BEGAIN: variants seen among roughly 807,000 people sequenced by gnomAD.
BEGAIN encodes brain-enriched guanylate kinase-associated protein.
Under a neutral mutation model 35.8 loss-of-function variants are expected in BEGAIN, and 19 were observed. The observed-to-expected ratio is 0.53, with a 90% confidence interval of 0.37 to 0.78. The LOEUF is 0.78. BEGAIN is among the 30% of genes least tolerant of loss of function. The probability of loss-of-function intolerance (pLI) is 0.00; values close to 1 mark genes in which losing one functional copy is unlikely to be tolerated. For missense variants in BEGAIN, 795 were observed against 853.6 expected (o/e 0.93, Z 0.85); for synonymous variants, 462 against 388.6 (o/e 1.19, Z -2.22).
In BEGAIN at chr14:100,537,960, C is replaced by T; in HGVS notation, c.*9G>A. The T allele has an allele frequency of 1.9e-6, 3 of 1,601,002 alleles. No individual in the cohort carries two copies. Among genetic ancestry groups the T allele is most frequent in the South Asian group, 1.1e-5 (1 of 89,648 alleles). ...GGAGCGAACCACGGCCAGGCCTGCA[C>T]GCAGGCGCTCAGTTGAGCAAGGTTC... On this transcript the variant is annotated 3_prime_UTR_variant, in exon 7 of 7. Transcript: ENST00000554140.
chr14:100,541,963 C>T (rs1009362008), intron 5 of BEGAIN, among the ~76,000 whole-genome samples: 4 of 152,212 alleles, frequency 2.6e-5, no homozygotes, highest in Non-Finnish European at 4.4e-5. Flanking sequence ...GTTCTGGCTC[C>T]GTCTGCGAGA....
intron 1 of BEGAIN, among the ~76,000 whole-genome samples, chr14:100,585,815 A>T (rs2035432094): frequency 2.0e-5 from 3 of 152,112 alleles, no homozygotes; most frequent in Non-Finnish European, 2.9e-5. Flanking sequence ...TTGACGACAA[A>T]CGGAACGCGG....
In BEGAIN at chr14:100,558,982, T is replaced by C. The variant is rs1359015189; in HGVS notation, c.71+8929A>G. Among the ~76,000 whole-genome samples the C allele has an allele frequency of 6.8e-6, 1 of 148,082 alleles. No individual in the cohort carries two copies. Among genetic ancestry groups the C allele is most frequent in the Non-Finnish European group, 1.5e-5 (1 of 66,908 alleles). On this transcript the variant is annotated intron_variant, in intron 2 of 6. Coordinates refer to ENST00000554140, the MANE Select transcript of BEGAIN (RefSeq NM_001385089.1). The surrounding 1 kb of genome is among the most constrained non-coding windows in gnomAD (Gnocchi z 4.6). ...GTGGCCGGAGCCTGGGGCCTGGGGG[T>C]TGTTGGGGGGAGCAGACAAGGGGTG... is the stretch of plus-strand genomic sequence containing the variant.
intron 1 of BEGAIN, among the ~76,000 whole-genome samples, chr14:100,581,391 C>T (rs533624108): frequency 1.3e-5 from 2 of 152,222 alleles, no homozygotes; most frequent in East Asian, 1.9e-4. Flanking sequence ...AGGATGCTGC[C>T]GGCTACCGTG....
chr14:100,556,735 G>T (rs1253788460), intron 2 of BEGAIN, among the ~76,000 whole-genome samples: 1 of 152,190 alleles, frequency 6.6e-6, no homozygotes, highest in Non-Finnish European at 1.5e-5. Flanking sequence ...CCCGAGGAGA[G>T]CCCAGCCAGC....
chr14:100,578,001 A>C (rs2035239538), intron 1 of BEGAIN: 1 of 397,628 alleles, frequency 2.5e-6, no homozygotes. Flanking sequence ...GCCGTCACCC[A>C]CTCCTCTCCT....
chr14:100,539,151 G>A lies in BEGAIN; in HGVS notation c.657C>T (p.Ser219=), dbSNP rs762942100. The change falls in exon 7 of 7, where the codon TCC becomes TCT. Residue 219 remains serine (S), a synonymous_variant. Transcript: ENST00000554140. ...AGGCCAGGTCGCGGGCGGAGGCATCGGACAGGCGGGAGGACAGGCTGGCGG... is the reference window on the plus strand; with the variant it reads ...AGGCCAGGTCGCGGGCGGAGGCATCAGACAGGCGGGAGGACAGGCTGGCGG... ...PDPASLSSRL[S]DASARDLAFC... 19 of 1,598,914 alleles carry A rather than the reference G, an allele frequency of 1.2e-5. No individual in the cohort carries two copies. The highest frequency in any genetic ancestry group is 2.7e-5 in the African/African-American group (2 of 74,638).
In BEGAIN at chr14:100,586,616, G is replaced by C. The variant is rs1174545510; in HGVS notation, c.42+633C>G. ...GGGGCTCAGGGAGGGTGAGCGCGCCGGCTGAGCCGCTCTGGGCGAGGCCCT... is the reference window on the plus strand; with the variant it reads ...GGGGCTCAGGGAGGGTGAGCGCGCCCGCTGAGCCGCTCTGGGCGAGGCCCT... On this transcript the variant is annotated intron_variant, in intron 1 of 6. Transcript: ENST00000554140. The surrounding 1 kb of genome is among the most constrained non-coding windows in gnomAD (Gnocchi z 4.9). Among the ~76,000 whole-genome samples, 1 of 152,182 alleles carries C rather than the reference G, an allele frequency of 6.6e-6. No homozygotes were observed. Among genetic ancestry groups the C allele is most frequent in the Admixed American group, 6.5e-5 (1 of 15,282 alleles).
chr14:100,580,898 A>C (rs1434595121), intron 1 of BEGAIN, among the ~76,000 whole-genome samples: 1 of 152,168 alleles, frequency 6.6e-6, no homozygotes, highest in Non-Finnish European at 1.5e-5. Flanking sequence ...TGGAAACAGG[A>C]TGAGAATATA....
chr14:100,580,698 ATTAT>A (rs1316709165), intron 1 of BEGAIN, among the ~76,000 whole-genome samples: 1 of 152,210 alleles, frequency 6.6e-6, no homozygotes, highest in Non-Finnish European at 1.5e-5. Flanking sequence ...AATGTTTGCA[ATTAT>A]TTATTATCTG....
rs150632158 is a variant in BEGAIN, at chr14:100,575,188, C to T, written c.43-7249G>A. On this transcript the variant is annotated intron_variant, in intron 1 of 6. Coordinates refer to ENST00000554140, the MANE Select transcript of BEGAIN (RefSeq NM_001385089.1). Reference sequence around the variant, plus strand: ...GCCCCAGGCATTGTCTCTCAAGAAACGGTCTGCAGGTTGGTGACTGGAAGC... The same window carrying T: ...GCCCCAGGCATTGTCTCTCAAGAAATGGTCTGCAGGTTGGTGACTGGAAGC... Among the ~76,000 whole-genome samples, 367 of 152,278 alleles carry T rather than the reference C, an allele frequency of 2.4e-3. 1 individual carries two copies. Among genetic ancestry groups the T allele is most frequent in the Middle Eastern group, 6.8e-3 (2 of 294 alleles).
intron 2 of BEGAIN, among the ~76,000 whole-genome samples, chr14:100,565,103 T>C (rs2034579994): frequency 6.6e-6 from 1 of 152,204 alleles, no homozygotes; most frequent in African/African-American, 2.4e-5. Flanking sequence ...GGAGGATCTG[T>C]TGTGGGCCTC....
Position 100,567,818 on chromosome 14 carries a change from C to A in BEGAIN, c.71+93G>T. On this transcript the variant is annotated intron_variant, in intron 2 of 6. Transcript: ENST00000554140. This position sits in a 1 kb window ranked among gnomAD's most constrained non-coding sequence, Gnocchi z 5.1. ...GGCCGCCCGCGGGCCCTGGGGGATGCGCTCGGGTGGAGCCCCCTTCCCCCG... is the reference window on the plus strand; with the variant it reads ...GGCCGCCCGCGGGCCCTGGGGGATGAGCTCGGGTGGAGCCCCCTTCCCCCG... The A allele has an allele frequency of 7.6e-7, 1 of 1,308,900 alleles. No homozygotes were observed. The highest frequency in any genetic ancestry group is 1.0e-6 in the Non-Finnish European group (1 of 990,086). The allele number at this position is 1,308,900 out of a possible 1,614,324, so 81.1% of individuals were successfully genotyped here. A position where few individuals can be genotyped will look rare whatever the true frequency, so the allele number is the denominator to read the frequency against.
In BEGAIN at chr14:100,567,958, G is replaced by C. The variant is rs1198483533; in HGVS notation, c.43-19C>G. 2.8e-6 allele frequency: 4 copies of C among 1,451,252 alleles called. No individual in the cohort carries two copies. In the South Asian group the frequency reaches 5.1e-5, roughly 18 times the overall value. 89.9% of individuals were successfully genotyped at this position (1,451,252 alleles called of 1,614,324 possible). ...CAGAGGCCTGCGAGAAACCAAACGAGAGGGTCAGCAGGCAGGAGGCGTGCG... is the reference window on the plus strand; with the variant it reads ...CAGAGGCCTGCGAGAAACCAAACGACAGGGTCAGCAGGCAGGAGGCGTGCG... On this transcript the variant is annotated intron_variant, in intron 1 of 6. Coordinates refer to ENST00000554140, the MANE Select transcript of BEGAIN (RefSeq NM_001385089.1). This position sits in a 1 kb window ranked among gnomAD's most constrained non-coding sequence, Gnocchi z 5.1.
At chr14:100,559,046 TGAAGTATCTGATCCTCTTC>T (rs1198451233) in intron 2 of BEGAIN, among the ~76,000 whole-genome samples, 2 of 152,162 alleles carry the variant, frequency 1.3e-5, no homozygotes, top group African/African-American at 2.4e-5. Flanking sequence ...GAGCATGTGC[TGAAGTATCTGATCCTCTTC>T]CTGGGGGCCC....
chr14:100,584,403 C>CCA (rs1363040312), intron 1 of BEGAIN, among the ~76,000 whole-genome samples: 1 of 152,148 alleles, frequency 6.6e-6, no homozygotes, highest in Non-Finnish European at 1.5e-5. Context: ...GAGAAGAGCC[C>CCA]CAGCAGCTCC....
chr14:100,560,031 C>T (rs184377112), intron 2 of BEGAIN, among the ~76,000 whole-genome samples: 104 of 152,312 alleles, frequency 6.8e-4, no homozygotes, highest in African/African-American at 2.4e-3. Context: ...CTGCACCAGC[C>T]GCGGGGGGCT....
intron 3 of BEGAIN, chr14:100,545,488 G>GT: frequency 1.0e-6 from 1 of 954,070 alleles, no homozygotes; most frequent in Non-Finnish European, 1.2e-6. Context: ...GGGCCCCAGG[G>GT]TGAGGCTGGA....
chr14:100,548,934 T>A (rs2032880516), intron 2 of BEGAIN: 1 of 152,004 alleles, frequency 6.6e-6, no homozygotes, highest in Non-Finnish European at 1.5e-5. Context: ...CCTCCCCAAG[T>A]CCTTCACACC....
Sources: allele counts gnomAD v4.1 joint callset (sites outside exome capture counted in the v4.1 genomes callset), GRCh38; gene constraint gnomAD v4.1.1; non-coding constraint Gnocchi (gnomAD v3.1); transcripts MANE v1.5; gene names NCBI Gene and HGNC (gene_info 2026-07-23, HGNC 2026-07-21).